FSTL5: variants seen among roughly 807,000 people sequenced by gnomAD.
FSTL5 encodes the protein follistatin like 5.
In FSTL5, 62 loss-of-function variants were observed where a neutral mutation model predicts 89.1. The ratio of observed to expected loss-of-function variants is 0.70; its 90% CI spans 0.57 to 0.86. The LOEUF is 0.86. FSTL5 is among the 40% of genes least tolerant of loss of function. The pLI is 0.00. For missense variants in FSTL5, 1,057 were observed against 1,001.6 expected (o/e 1.06, Z -0.75); for synonymous variants, 383 against 346.2 (o/e 1.11, Z -1.18).
At chr4:161,439,489 A>G (rs914027009) in intron 15 of FSTL5, among the ~76,000 whole-genome samples, 3 of 152,218 alleles carry the variant, frequency 2.0e-5, no homozygotes, top group Non-Finnish European at 4.4e-5. Context: ...CTGTTTTCTA[A>G]TTCATAAAAT....
At chr4:162,015,850 T>A (rs1245281472) in intron 3 of FSTL5, among the ~76,000 whole-genome samples, 2 of 152,202 alleles carry the variant, frequency 1.3e-5, no homozygotes, top group East Asian at 3.8e-4. Context: ...AAGGAAAGTT[T>A]AATTGAGACA....
At chr4:161,879,066 T>G (rs551119314) in intron 4 of FSTL5, among the ~76,000 whole-genome samples, 48 of 152,280 alleles carry the variant, frequency 3.2e-4, no homozygotes, top group Admixed American at 2.6e-4. Context: ...AACTATGTCT[T>G]TCTTCCTCTC....
intron 7 of FSTL5, among the ~76,000 whole-genome samples, chr4:161,596,587 C>T (rs1444397632): frequency 1.3e-5 from 2 of 152,144 alleles, no homozygotes; most frequent in East Asian, 3.9e-4. Context: ...TCTCAGAATT[C>T]CTTATTGTTA....
At chr4:161,671,983 T>C (rs1737130944) in intron 6 of FSTL5, among the ~76,000 whole-genome samples, 1 of 152,202 alleles carries the variant, frequency 6.6e-6, no homozygotes, top group African/African-American at 2.4e-5. Context: ...TCATTCACAG[T>C]ACTAATCTGT....
intron 2 of FSTL5, among the ~76,000 whole-genome samples, chr4:162,042,975 T>C (rs541614771): frequency 7.5e-5 from 11 of 146,034 alleles, no homozygotes; most frequent in African/African-American, 1.7e-4. Context: ...AGGGATAGCA[T>C]TGGGAGATAT....
intron 15 of FSTL5, among the ~76,000 whole-genome samples, chr4:161,428,373 T>G (rs1263246068): frequency 6.6e-6 from 1 of 152,168 alleles, no homozygotes; most frequent in African/African-American, 2.4e-5. Flanking sequence ...CGTGACCTAG[T>G]GAGACACTGG....
chr4:162,114,455 G>C (rs1731557095), intron 1 of FSTL5, among the ~76,000 whole-genome samples: 1 of 151,684 alleles, frequency 6.6e-6, no homozygotes, highest in South Asian at 2.1e-4. Context: ...AAAGTGCTCA[G>C]TTAAGATTTC....
chr4:161,783,328 G>A (rs1167271165), intron 4 of FSTL5, among the ~76,000 whole-genome samples: 4 of 151,982 alleles, frequency 2.6e-5, no homozygotes, highest in African/African-American at 7.2e-5. Context: ...ATATATGAGA[G>A]CTAATGCTCT....
intron 3 of FSTL5, among the ~76,000 whole-genome samples, chr4:161,966,084 A>G (rs1578900020): frequency 1.3e-5 from 2 of 152,150 alleles, no homozygotes; most frequent in Admixed American, 6.6e-5. Context: ...TGCCACAAAG[A>G]CAACTTGGCT....
intron 14 of FSTL5, among the ~76,000 whole-genome samples, chr4:161,457,319 T>C (rs56746736): frequency 6.6e-6 from 1 of 152,204 alleles, no homozygotes; most frequent in Non-Finnish European, 1.5e-5. Flanking sequence ...TTTTATATTT[T>C]CACTTGTGAC....
At chr4:162,016,404 T>C (rs994642261) in intron 3 of FSTL5, among the ~76,000 whole-genome samples, 15 of 152,264 alleles carry the variant, frequency 9.9e-5, no homozygotes, top group Admixed American at 7.2e-4. Flanking sequence ...TGTAAGAGAA[T>C]CACATCAACC....
chr4:162,069,789 T>A (rs1467441079), intron 2 of FSTL5, among the ~76,000 whole-genome samples: 1 of 151,998 alleles, frequency 6.6e-6, no homozygotes, highest in Non-Finnish European at 1.5e-5. Flanking sequence ...TATCCATTTA[T>A]CTGTTGGCAG....
intron 4 of FSTL5, among the ~76,000 whole-genome samples, chr4:161,832,364 G>C (rs1730874629): frequency 6.6e-6 from 1 of 152,098 alleles, no homozygotes; most frequent in Non-Finnish European, 1.5e-5. Context: ...GTCTCTGCCT[G>C]GCTTTGGTAT....
intron 4 of FSTL5, among the ~76,000 whole-genome samples, chr4:161,823,096 A>T (rs1012468204): frequency 6.6e-6 from 1 of 152,094 alleles, no homozygotes; most frequent in Non-Finnish European, 1.5e-5. Context: ...GTGCATGCTG[A>T]CTGATTTATG....
chr4:161,812,523 C>CACACAG (rs1002706120), intron 4 of FSTL5, among the ~76,000 whole-genome samples: 1 of 151,708 alleles, frequency 6.6e-6, no homozygotes, highest in African/African-American at 2.4e-5. Context: ...GAAAAACACA[C>CACACAG]ACACACACAC....
chr4:162,092,055 T>C (rs1255474062), intron 2 of FSTL5, among the ~76,000 whole-genome samples: 1 of 151,916 alleles, frequency 6.6e-6, no homozygotes, highest in Non-Finnish European at 1.5e-5. Flanking sequence ...TAAACACAAA[T>C]CAATATTTTC....
chr4:162,035,396 T>C (rs1737696478), intron 2 of FSTL5: 1 of 152,052 alleles, frequency 6.6e-6, no homozygotes, highest in South Asian at 2.1e-4. Context: ...AAATTCTGAA[T>C]GAGGTGAGCA....
At chr4:162,071,646 T>G (rs1409373091) in intron 2 of FSTL5, among the ~76,000 whole-genome samples, 2 of 151,704 alleles carry the variant, frequency 1.3e-5, no homozygotes, top group African/African-American at 2.4e-5. Context: ...CATACAGACC[T>G]CACAGACATT....
chr4:161,397,809 T>C (rs1731057871), intron 15 of FSTL5, among the ~76,000 whole-genome samples: 1 of 151,748 alleles, frequency 6.6e-6, no homozygotes, highest in South Asian at 2.1e-4. Flanking sequence ...AAATGAATTA[T>C]TAATAGTCAA....
Sources: gnomAD v4.1 joint callset for allele counts (sites outside exome capture counted in the v4.1 genomes callset) on GRCh38, gnomAD v4.1.1 for gene constraint, MANE v1.5 for transcripts, NCBI Gene and HGNC (gene_info 2026-07-23, HGNC 2026-07-21) for gene names.